CD84: variants seen among roughly 807,000 people sequenced by gnomAD.
The protein encoded by CD84 is CD84 molecule.
Under a neutral mutation model 33.8 loss-of-function variants are expected in CD84, and 22 were observed. The ratio of observed to expected loss-of-function variants is 0.65; its 90% CI spans 0.46 to 0.93. The LOEUF (loss-of-function observed/expected upper bound fraction) is 0.93, where lower values mean the gene tolerates loss of function less well. CD84 is among the 40% of genes least tolerant of loss of function. CD84 has a pLI of 0.00. For missense variants in CD84, 400 were observed against 397.6 expected (o/e 1.01, Z -0.05); for synonymous variants, 154 against 145.2 (o/e 1.06, Z -0.44).
intron 2 of CD84, among the ~76,000 whole-genome samples, chr1:160,564,682 T>C (rs1274185390): frequency 6.6e-6 from 1 of 152,202 alleles, no homozygotes; most frequent in Non-Finnish European, 1.5e-5. Flanking sequence ...TCCTTCATTA[T>C]TCCATCTACA....
At chr1:160,553,737 C>G (rs1312445784) in intron 3 of CD84, 158 bp downstream of exon 3, 5 of 1,233,692 alleles carry the variant, frequency 4.1e-6, no homozygotes, top group Non-Finnish European at 4.5e-6. Flanking sequence ...AGGCTTTGGC[C>G]TCTTTCCCAG....
At chr1:160,575,691 A>G (rs1389132466) in intron 1 of CD84, among the ~76,000 whole-genome samples, 2 of 152,196 alleles carry the variant, frequency 1.3e-5, no homozygotes, top group Non-Finnish European at 2.9e-5. Context: ...AGTTTCACAT[A>G]GATGAGCCCA....
Position 160,576,453 on chromosome 1 carries a change from C to T in CD84, c.46+2939G>A, listed in dbSNP as rs565341935. Reference sequence around the variant, plus strand: ...TGCCTCACTGCCCTGCCTAAACTTCCGTTATTGGCAAGGACCTGCCAACAG... The same window carrying T: ...TGCCTCACTGCCCTGCCTAAACTTCTGTTATTGGCAAGGACCTGCCAACAG... On this transcript the variant is annotated intron_variant, in intron 1 of 6. Transcript: ENST00000368054. Among the ~76,000 whole-genome samples, 103 of 152,212 alleles carry T rather than the reference C, an allele frequency of 6.8e-4. 1 individual carries two copies. Among genetic ancestry groups the T allele is most frequent in the African/African-American group, 2.0e-3 (85 of 41,540 alleles).
At position 160,543,195 on chromosome 1, in the gene CD84, G is replaced by A. The variant is rs1159663835; in HGVS notation, c.*5061C>T. On this transcript the variant is annotated 3_prime_UTR_variant, in exon 7 of 7. Coordinates refer to ENST00000368054, the MANE Select transcript of CD84 (RefSeq NM_003874.4). ...TATATTAATATATTTACTTTGAGCT[G>A]CTTTTAGTACCTTAAAATATTACTA... 1 of 152,110 alleles carries A rather than the reference G, an allele frequency of 6.6e-6. No individual in the cohort carries two copies. The highest frequency in any genetic ancestry group is 1.5e-5 in the Non-Finnish European group (1 of 68,018). The allele number at this position is 152,110 out of a possible 1,614,324, so 9.4% of individuals were successfully genotyped here. A position where few individuals can be genotyped will look rare whatever the true frequency, so the allele number is the denominator to read the frequency against.
intron 4 of CD84, chr1:160,553,173 G>A: frequency 2.5e-6 from 2 of 801,962 alleles, no homozygotes; most frequent in Non-Finnish European, 4.1e-6. Flanking sequence ...AGCTACTGGT[G>A]ATCTCAGGAA....
chr1:160,556,116 A>G (rs960269153), intron 2 of CD84, among the ~76,000 whole-genome samples: 5 of 152,160 alleles, frequency 3.3e-5, no homozygotes, highest in Non-Finnish European at 4.4e-5. Context: ...GTGTTTACCA[A>G]TTGTTGGGGG....
intron 6 of CD84, among the ~76,000 whole-genome samples, 198 bp from the exon 7 acceptor site, chr1:160,548,519 G>A (rs1320969753): frequency 6.6e-6 from 1 of 152,142 alleles, no homozygotes; most frequent in African/African-American, 2.4e-5. Flanking sequence ...CCCCATTTGG[G>A]AGGCCCTGAG....
intron 2 of CD84, among the ~76,000 whole-genome samples, chr1:160,559,133 A>G (rs1056902047): frequency 6.6e-6 from 1 of 152,174 alleles, no homozygotes; most frequent in East Asian, 1.9e-4. Context: ...TGCAGAGAAC[A>G]CAAGTGAGAT....
At chr1:160,549,060 T>C (rs775184051) in intron 6 of CD84, among the ~76,000 whole-genome samples, 27 of 152,088 alleles carry the variant, frequency 1.8e-4, no homozygotes, top group Admixed American at 1.7e-3. Context: ...CCTCTCCTGA[T>C]CACTAAGAAA....
intron 6 of CD84, among the ~76,000 whole-genome samples, chr1:160,549,334 G>A (rs1656034111): frequency 6.6e-6 from 1 of 152,160 alleles, no homozygotes; most frequent in Non-Finnish European, 1.5e-5. Context: ...GCAGCAGTGA[G>A]GACCTTCAGA....
chr1:160,572,383 T>G (rs1214544447), intron 1 of CD84, among the ~76,000 whole-genome samples: 1 of 152,116 alleles, frequency 6.6e-6, no homozygotes, highest in Non-Finnish European at 1.5e-5. Context: ...AGACTAAAGG[T>G]GCAGATTTTG....
At chr1:160,572,301 T>C (rs1657739634) in intron 1 of CD84, among the ~76,000 whole-genome samples, 2 of 152,158 alleles carry the variant, frequency 1.3e-5, no homozygotes, top group African/African-American at 4.8e-5. Flanking sequence ...CCTTCATCTC[T>C]TCAGTAATGT....
At chr1:160,565,828 G>A (rs1430352989) in intron 1 of CD84, 83 bp from the exon 2 acceptor site, 14 of 1,183,546 alleles carry the variant, frequency 1.2e-5, no homozygotes, top group Non-Finnish European at 1.6e-5. Flanking sequence ...GGAGCTCCCT[G>A]AGGAGCTGCC....
rs182259150 is a variant in CD84, at chr1:160,554,296, G to T, written c.389-150C>A. 178 of 917,626 alleles carry T rather than the reference G, an allele frequency of 1.9e-4. No individual in the cohort carries two copies. In the East Asian group the frequency reaches 5.0e-3, roughly 26 times the overall value. 56.8% of individuals were successfully genotyped at this position (917,626 alleles called of 1,614,324 possible). A position where few individuals can be genotyped will look rare whatever the true frequency, so the allele number is the denominator to read the frequency against. ...TTAAATAAATTATGTTAAAAATAAA[G>T]ATAATAAATCCTCAAAACTCATCAC... On this transcript the variant is annotated intron_variant, in intron 2 of 6. Transcript: ENST00000368054.
chr1:160,548,361 G>A (rs768167831), intron 6 of CD84, 40 bp from the exon 7 acceptor site: 1 of 1,608,642 alleles, frequency 6.2e-7, no homozygotes, highest in Non-Finnish European at 8.5e-7. Flanking sequence ...TAACTGAGAG[G>A]TGCTGCTGGG....
intron 1 of CD84, among the ~76,000 whole-genome samples, chr1:160,577,028 A>G (rs1163919616): frequency 6.6e-6 from 1 of 152,126 alleles, no homozygotes; most frequent in African/African-American, 2.4e-5. Flanking sequence ...TCAGAGTGGG[A>G]GTGTCTCCCA....
At chr1:160,566,924 C>T (rs7550816) in intron 1 of CD84, among the ~76,000 whole-genome samples, 7,575 of 152,222 alleles carry the variant, frequency 0.05, 632 homozygotes, top group African/African-American at 0.17. Flanking sequence ...GACAATGTAA[C>T]TTCAAGACAT....
At chr1:160,548,438 C>A in intron 6 of CD84, 117 bp from the exon 7 acceptor site, 1 of 1,044,534 alleles carries the variant, frequency 9.6e-7, no homozygotes, top group Non-Finnish European at 1.4e-6. Context: ...TTAGATTTGC[C>A]TCATGCTGGG....
intron 1 of CD84, among the ~76,000 whole-genome samples, chr1:160,570,626 C>A (rs1450224662): frequency 1.3e-5 from 2 of 152,132 alleles, no homozygotes; most frequent in Non-Finnish European, 2.9e-5. Context: ...TTTGGGAGGC[C>A]AAGGCAGGTG....
Sources: allele counts gnomAD v4.1 joint callset (sites outside exome capture counted in the v4.1 genomes callset), GRCh38; gene constraint gnomAD v4.1.1; transcripts MANE v1.5; gene names NCBI Gene and HGNC (gene_info 2026-07-23, HGNC 2026-07-21).